The following HAL variants were observed in gnomAD, a reference collection of about 807,000 sequenced individuals.
HAL encodes histidine ammonia-lyase, also known as histidase.
In HAL, 85 loss-of-function variants were observed where a neutral mutation model predicts 81.1. That is an observed-to-expected ratio of 1.05 (90% CI 0.88 to 1.25). HAL has a LOEUF of 1.25. HAL is among the 50% of genes most tolerant of loss of function. The pLI is 0.00. For synonymous variants in HAL, 301 were observed against 309.2 expected, an observed-to-expected ratio of 0.97 and a Z score of 0.28; for missense variants, 798 against 836.6, an observed-to-expected ratio of 0.95 and a Z score of 0.57.
rs2080778520 is a variant in HAL at position 95,980,577 on chromosome 12, G to A, written c.1498C>T (p.His500Tyr). The change falls in exon 17 of 21, where the codon CAC (histidine) becomes TAC (tyrosine). Residue 500 changes from histidine to tyrosine, a missense_variant. Coordinates refer to ENST00000261208, the MANE Select transcript of HAL (RefSeq NM_002108.4). The stretch of plus-strand genomic sequence containing the variant: ...TTACCAAGGGCTGCTGCCGTGCAGT[G>A]AGCTATCATGAACCCAGAGTTCAGA... ...GGLNSGFMIA[H>Y]CTAAALVSEN... 2 of 1,613,822 alleles carry A rather than the reference G, an allele frequency of 1.2e-6. No individual in the cohort carries two copies. Among genetic ancestry groups the A allele is most frequent in the African/African-American group, 1.3e-5 (1 of 75,046 alleles).
At chr12:95,992,563 T>G in intron 9 of HAL, 117 bp downstream of exon 9, 1 of 944,176 alleles carries the variant, frequency 1.1e-6, no homozygotes, top group Non-Finnish European at 1.7e-6. Flanking sequence ...CATTTCCCAC[T>G]CATTTCAATT....
rs1371137630 is a variant in HAL at position 95,995,647 on chromosome 12, C to T, written c.247+17G>A. 3.7e-6 allele frequency: 6 copies of T among 1,612,618 alleles called. No homozygotes were observed. The highest frequency in any genetic ancestry group is 1.3e-5 in the African/African-American group (1 of 74,948). ...CCAAACCGCACCCGTTCGCGGCCCT[C>T]TCCTGCAGCCACTCACCCACTTCCA... On this transcript the variant is annotated intron_variant, in intron 2 of 20. Transcript: ENST00000261208.
chr12:95,989,207 C>T (rs1949937785), intron 10 of HAL, among the ~76,000 whole-genome samples: 2 of 152,164 alleles, frequency 1.3e-5, no homozygotes, highest in Non-Finnish European at 2.9e-5. Flanking sequence ...ATTTTTTAGA[C>T]ACCTGTCTCT....
At chr12:95,995,154 G>T (rs772344384) in intron 2 of HAL, 161 bp from the exon 3 acceptor site, 3 of 685,026 alleles carry the variant, frequency 4.4e-6, no homozygotes, top group Non-Finnish European at 7.9e-6. Context: ...CTTTATGTAG[G>T]AGGAGAGCAA....
At chr12:95,989,536 C>T (rs1160276650) in intron 10 of HAL, 1 of 152,324 alleles carries the variant, frequency 6.6e-6, no homozygotes, top group Non-Finnish European at 1.5e-5. Flanking sequence ...AATGCAGAAC[C>T]ACACATAGAA....
chr12:95,976,004 A>G (rs2080714357), intron 20 of HAL: 1 of 334,692 alleles, frequency 3.0e-6, no homozygotes, highest in East Asian at 7.8e-5. Context: ...AGTCTTCTGA[A>G]GTAAACACCC....
intron 11 of HAL, among the ~76,000 whole-genome samples, chr12:95,987,497 A>G (rs1005022887): frequency 6.6e-6 from 1 of 152,138 alleles, no homozygotes; most frequent in African/African-American, 2.4e-5. Context: ...TAGACTGCAC[A>G]TAAAATCTTT....
chr12:95,987,247 GATT>G (rs1459041369), intron 11 of HAL, 33 bp from the exon 12 acceptor site: 1 of 1,598,298 alleles, frequency 6.3e-7, no homozygotes, highest in Non-Finnish European at 8.6e-7. Flanking sequence ...TTCCTACTGT[GATT>G]ATTGTAACGA....
Position 95,987,153 on chromosome 12 carries a change from C to G in HAL, c.965G>C (p.Arg322Pro), listed in dbSNP as rs121434330. Residue 322 changes from arginine to proline, a missense_variant, in exon 12 of 21, where the codon CGA (arginine) becomes CCA (proline). Physicochemically the swap from Arg to Pro is moderately radical, Grantham distance 103 (BLOSUM62 -2). Transcript: ENST00000261208. ...AGCCTGCCGTGCAATAGCACTGGCT[C>G]GCTCTACAGCTTCACAGCCCAGGGA... ...ITSLGCEAVE[R>P]ASAIARQADI... is the part of the protein sequence containing the mutation. 6.2e-7 allele frequency: 1 copy of G among 1,613,522 alleles called. No individual in the cohort carries two copies. The highest frequency in any genetic ancestry group is 2.2e-5 in the East Asian group (1 of 44,868).
rs1430102061 is a variant in HAL at position 95,976,765 on chromosome 12, T to G, written c.1655-59A>C. ...AAAGTCTGACTTCATGCTTAAGGAA[T>G]GTGGATTTCCCAAAGTTGACACCCA... On this transcript the variant is annotated intron_variant, in intron 18 of 20. Transcript: ENST00000261208. 2.7e-6 allele frequency: 3 copies of G among 1,114,874 alleles called. No individual in the cohort carries two copies. In the Admixed American group the frequency reaches 5.4e-5, roughly 20 times the overall value. The allele number at this position is 1,114,874 out of a possible 1,614,324, so 69.1% of individuals were successfully genotyped here.
rs1426382444 is a variant in HAL at position 95,993,771 on chromosome 12, C to T, written c.551+1G>A. 9 of 1,499,354 alleles carry T rather than the reference C, an allele frequency of 6.0e-6. No homozygotes were observed. The highest frequency in any genetic ancestry group is 8.4e-6 in the Non-Finnish European group (9 of 1,075,358). The allele number at this position is 1,499,354 out of a possible 1,614,324, so 92.9% of individuals were successfully genotyped here. ...TGAACATATGTGTGTTTTAAACTTA[C>T]TGTAGCTTATTGATAGGAATTACAG... On this transcript the variant is annotated splice_donor_variant, in intron 7 of 20. Coordinates refer to ENST00000261208, the MANE Select transcript of HAL (RefSeq NM_002108.4). LOFTEE classifies it high-confidence loss of function.
At chr12:95,990,918 TGGGCAACAC>T (rs772573456) in intron 9 of HAL, among the ~76,000 whole-genome samples, 5 of 152,180 alleles carry the variant, frequency 3.3e-5, no homozygotes, top group Non-Finnish European at 4.4e-5. Flanking sequence ...AAGACCAGCC[TGGGCAACAC>T]GGTGAAACCC....
intron 20 of HAL, among the ~76,000 whole-genome samples, chr12:95,975,029 C>A (rs2080699533): frequency 6.6e-6 from 1 of 152,216 alleles, no homozygotes. Flanking sequence ...CGTGAGCCAC[C>A]ACACATGGCC....
At chr12:95,977,810 A>G in intron 18 of HAL, 134 bp downstream of exon 18, 1 of 899,790 alleles carries the variant, frequency 1.1e-6, no homozygotes, top group East Asian at 2.5e-5. Context: ...GCCAGCCTGC[A>G]AGGAGGCCTG....
chr12:95,987,318 C>T, intron 11 of HAL, 104 bp from the exon 12 acceptor site: 5 of 910,588 alleles, frequency 5.5e-6, no homozygotes, highest in Non-Finnish European at 9.2e-6. Context: ...ATTAGCCAGT[C>T]ATAAACATAA....
chr12:95,978,251 T>TA (rs1434014311), intron 17 of HAL, among the ~76,000 whole-genome samples, 173 bp from the exon 18 acceptor site: 1 of 150,960 alleles, frequency 6.6e-6, no homozygotes, highest in African/African-American at 2.4e-5. Flanking sequence ...GCAGGTCATT[T>TA]TTTTTCCCCA....
At chr12:95,976,079 T>C in intron 20 of HAL, 2 of 365,494 alleles carry the variant, frequency 5.5e-6, no homozygotes, top group South Asian at 4.3e-5. Context: ...TGTGATAGCA[T>C]CACCCAGAAG....
rs139259597 is a variant in HAL, at chr12:95,988,647, A to AG, written c.856-408dup. ...TCCCAGTTCACGCTCCCTTGCCTCCAGAGCTTGACCTAAAAAGTCCTCTAA... is the reference window on the plus strand; with the variant it reads ...TCCCAGTTCACGCTCCCTTGCCTCCAGGAGCTTGACCTAAAAAGTCCTCTAA... On this transcript the variant is annotated intron_variant, in intron 10 of 20. Coordinates refer to ENST00000261208, the MANE Select transcript of HAL (RefSeq NM_002108.4). Among the ~76,000 whole-genome samples the AG allele has an allele frequency of 1.6e-4, 24 of 152,318 alleles. No individual in the cohort carries two copies. The East Asian group carries it at 4.6e-3, about 29-fold the overall frequency.
intron 4 of HAL, 76 bp downstream of exon 4, chr12:95,994,722 A>G: frequency 7.1e-7 from 1 of 1,399,410 alleles, no homozygotes. Flanking sequence ...TTTTCTCAGA[A>G]GTTTTCCTGG....
Sources: gnomAD v4.1 joint callset for allele counts (sites outside exome capture counted in the v4.1 genomes callset) on GRCh38, gnomAD v4.1.1 for gene constraint, MANE v1.5 for transcripts, NCBI Gene and HGNC (gene_info 2026-07-23, HGNC 2026-07-21) for gene names.